Variants in KIAA1671 observed in about 807,000 individuals in gnomAD.
The protein encoded by KIAA1671 is KIAA1671, also known as uncharacterized protein KIAA1671.
A neutral mutation model predicts 131.2 loss-of-function variants in KIAA1671; 52 were observed. The ratio of observed to expected loss-of-function variants is 0.40; its 90% confidence interval spans 0.32 to 0.50. KIAA1671 has a LOEUF of 0.50. KIAA1671 is among the 20% of genes least tolerant of loss of function. The pLI, the probability that KIAA1671 is intolerant of heterozygous loss-of-function variation, is 0.73. For missense variants in KIAA1671, 2,360 were observed against 2,364.2 expected (o/e 1.00, Z 0.04); for synonymous variants, 1,003 against 961.6 (o/e 1.04, Z -0.80).
intron 1 of KIAA1671, among the ~76,000 whole-genome samples, chr22:25,016,413 A>G (rs1729869297): frequency 6.6e-6 from 1 of 152,202 alleles, no homozygotes; most frequent in Admixed American, 6.5e-5. Flanking sequence ...AGTTGCAGAG[A>G]GAAGTGGAAA....
intron 4 of KIAA1671, among the ~76,000 whole-genome samples, chr22:25,037,288 A>G (rs934726370): frequency 3.3e-5 from 5 of 152,148 alleles, no homozygotes; most frequent in African/African-American, 1.2e-4. Context: ...GTGCCATTGC[A>G]CTCCAGCCTG....
chr22:25,030,361 T>A (rs1926215902), intron 3 of KIAA1671, among the ~76,000 whole-genome samples: 1 of 151,976 alleles, frequency 6.6e-6, no homozygotes, highest in Non-Finnish European at 1.5e-5. Flanking sequence ...ATGGTAAAAC[T>A]CTGTCTCTAC....
intron 2 of KIAA1671, among the ~76,000 whole-genome samples, chr22:25,027,144 G>A (rs1925991390): frequency 6.6e-6 from 1 of 151,132 alleles, no homozygotes; most frequent in Non-Finnish European, 1.5e-5. Context: ...TAATATGCGT[G>A]TTCAACAGAA....
At position 25,028,902 on chromosome 22, in the gene KIAA1671, G is replaced by T; in HGVS notation, c.903G>T (p.Val301=). The T allele has an allele frequency of 6.4e-7, 1 of 1,551,616 alleles. No individual in the cohort carries two copies. The highest frequency in any genetic ancestry group is 8.7e-7 in the Non-Finnish European group (1 of 1,147,006). ...FENKEALLRK[V]ADEGSGPTAG... ...ACAAAGAGGCCTTGCTGAGGAAGGTGGCCGATGAAGGAAGTGGACCCACAG... is the reference window on the plus strand; with the variant it reads ...ACAAAGAGGCCTTGCTGAGGAAGGTTGCCGATGAAGGAAGTGGACCCACAG... The change falls in exon 3 of 13, where the codon GTG becomes GTT. Residue 301 remains valine (V), a synonymous_variant. Transcript: ENST00000358431.
chr22:25,171,178 T>C (rs1050513900), intron 7 of KIAA1671, among the ~76,000 whole-genome samples: 3 of 151,960 alleles, frequency 2.0e-5, no homozygotes, highest in Non-Finnish European at 4.4e-5. Flanking sequence ...GGCGGGCGGA[T>C]TGCCTGAGCT....
intron 6 of KIAA1671, among the ~76,000 whole-genome samples, chr22:25,094,392 C>T (rs1262498474): frequency 6.6e-6 from 1 of 152,148 alleles, no homozygotes; most frequent in Non-Finnish European, 1.5e-5. Context: ...TATAGATCAT[C>T]ATGGCAACCC....
intron 1 of KIAA1671, among the ~76,000 whole-genome samples, chr22:25,001,256 T>C (rs1040519035): frequency 2.6e-5 from 4 of 151,838 alleles, no homozygotes; most frequent in Non-Finnish European, 5.9e-5. Context: ...TGTGTGTATG[T>C]GTGTGTATAT....
rs560700491 is a variant in KIAA1671 at position 25,190,402 on chromosome 22, C to T, written c.5343-300C>T. Among the ~76,000 whole-genome samples the T allele has an allele frequency of 6.6e-5, 10 of 152,298 alleles. 1 individual carries two copies. In the South Asian group the frequency reaches 8.3e-4, roughly 13 times the overall value. ...GAATACAGATGAAGCTTCGCTCACT[C>T]GCCCACCACTCACCACCTGCTGTGT... On this transcript the variant is annotated intron_variant, in intron 11 of 12. Transcript: ENST00000358431.
chr22:25,189,092 G>A (rs1470698190), intron 11 of KIAA1671, among the ~76,000 whole-genome samples: 1 of 151,330 alleles, frequency 6.6e-6, no homozygotes, highest in South Asian at 2.1e-4. Flanking sequence ...AGTCCAAAAG[G>A]CTTCCCTCTT....
chr22:25,091,057 T>C (rs113112147), intron 6 of KIAA1671, among the ~76,000 whole-genome samples: 167 of 152,236 alleles, frequency 1.1e-3, no homozygotes, highest in Middle Eastern at 6.8e-3. Flanking sequence ...TTAGATAAAG[T>C]ACTAGTCCAT....
intron 5 of KIAA1671, 25 bp from the exon 6 acceptor site, chr22:25,049,204 TC>T (rs1927401396): frequency 6.5e-7 from 1 of 1,546,094 alleles, no homozygotes; most frequent in African/African-American, 1.4e-5. Flanking sequence ...CCCAGTAAAG[TC>T]CTTTTCTTGT....
Position 25,197,337 on chromosome 22 carries a change from T to C in KIAA1671, c.*4936T>C, listed in dbSNP as rs898740462. ...AAGTTTCATATGCACAGAAGAGCAG[T>C]TGGAAATCTGGTCGACTGCAATAAA... On this transcript the variant is annotated 3_prime_UTR_variant, in exon 13 of 13. Transcript: ENST00000358431. 1 of 152,226 alleles carries C rather than the reference T, an allele frequency of 6.6e-6. No homozygotes were observed. Among genetic ancestry groups the C allele is most frequent in the Non-Finnish European group, 1.5e-5 (1 of 68,048 alleles). 9.4% of individuals were successfully genotyped at this position (152,226 alleles called of 1,614,324 possible). A position where few individuals can be genotyped will look rare whatever the true frequency, so the allele number is the denominator to read the frequency against.
At chr22:25,131,940 CT>C (rs1051552125) in intron 6 of KIAA1671, among the ~76,000 whole-genome samples, 1 of 152,178 alleles carries the variant, frequency 6.6e-6, no homozygotes, top group Admixed American at 6.5e-5. Flanking sequence ...GTGTGAAACT[CT>C]TTAGCGCAGC....
chr22:25,038,467 A>G (rs1194819814), intron 4 of KIAA1671, among the ~76,000 whole-genome samples: 1 of 152,220 alleles, frequency 6.6e-6, no homozygotes, highest in Non-Finnish European at 1.5e-5. Context: ...AGGCTTGTGC[A>G]TGTGGACAAA....
intron 6 of KIAA1671, among the ~76,000 whole-genome samples, chr22:25,111,572 C>T (rs1786758817): frequency 6.6e-6 from 1 of 152,250 alleles, no homozygotes; most frequent in Admixed American, 6.5e-5. Flanking sequence ...TGCCGGCCGA[C>T]AGGTTTGGAA....
chr22:25,183,930 C>T (rs1329948707), intron 10 of KIAA1671, among the ~76,000 whole-genome samples: 1 of 152,100 alleles, frequency 6.6e-6, no homozygotes, highest in African/African-American at 2.4e-5. Context: ...CAGACAGCCA[C>T]AGGCCCTGGG....
intron 1 of KIAA1671, among the ~76,000 whole-genome samples, chr22:24,959,836 C>T (rs1044497502): frequency 6.6e-6 from 1 of 152,050 alleles, no homozygotes; most frequent in African/African-American, 2.4e-5. Flanking sequence ...AGCCATGTCT[C>T]CATTAAGAAT....
At chr22:25,130,096 A>G (rs1932367594) in intron 6 of KIAA1671, among the ~76,000 whole-genome samples, 1 of 152,222 alleles carries the variant, frequency 6.6e-6, no homozygotes, top group Non-Finnish European at 1.5e-5. Context: ...TTTTAAATAA[A>G]TAAGCAATTA....
At chr22:24,963,059 G>A (rs1470701552) in intron 1 of KIAA1671, among the ~76,000 whole-genome samples, 3 of 152,184 alleles carry the variant, frequency 2.0e-5, no homozygotes, top group South Asian at 2.1e-4. Flanking sequence ...CTAGCTGCAC[G>A]GTTAGAGGCC....
Sources: allele counts gnomAD v4.1 joint callset (sites outside exome capture counted in the v4.1 genomes callset), GRCh38; gene constraint gnomAD v4.1.1; transcripts MANE v1.5; gene names NCBI Gene and HGNC (gene_info 2026-07-23, HGNC 2026-07-21).